Variants in ACBD5 observed in about 807,000 individuals in gnomAD.
ACBD5 encodes acyl-CoA binding domain containing 5.
A neutral mutation model predicts 71.8 loss-of-function variants in ACBD5; 40 were observed. That is an observed-to-expected ratio of 0.56 (90% CI 0.43 to 0.72). ACBD5 has a LOEUF of 0.72. ACBD5 is among the 30% of genes least tolerant of loss of function. The pLI is 0.00. For missense variants in ACBD5, 559 were observed against 644.5 expected (o/e 0.87, Z 1.44); for synonymous variants, 229 against 218.6 (o/e 1.05, Z -0.42).
chr10:27,241,463 G>A (rs1051026915), upstream of ACBD5, among the ~76,000 whole-genome samples: 4 of 152,136 alleles, frequency 2.6e-5, no homozygotes, highest in Non-Finnish European at 5.9e-5. Flanking sequence ...AAGGAGAGAG[G>A]AGGTCGCCGG....
intron 4 of ACBD5, among the ~76,000 whole-genome samples, chr10:27,228,815 ATTTTTTTT>A (rs1167438554): frequency 1.2e-3 from 25 of 20,366 alleles, no homozygotes; most frequent in East Asian, 0.011. Context: ...ATATATATAT[ATTTTTTTT>A]TTTTTTTTTT....
chr10:27,240,558 C>T lies in ACBD5; in HGVS notation c.16-74G>A. The T allele has an allele frequency of 1.3e-6, 2 of 1,550,322 alleles. No individual in the cohort carries two copies. The highest frequency in any genetic ancestry group is 1.7e-6 in the Non-Finnish European group (2 of 1,145,920). On this transcript the variant is annotated intron_variant, in intron 1 of 12. Transcript: ENST00000396271. This position sits in a 1 kb window ranked among gnomAD's most constrained non-coding sequence, Gnocchi z 4.1. ...GCCCGGGAGCGAAGCGGGTCAGTTC[C>T]CCTTTGCCCTGCCCTATCCAGGCCA...
chr10:27,206,577 G>A (rs1048730790), intron 10 of ACBD5, among the ~76,000 whole-genome samples: 15 of 152,022 alleles, frequency 9.9e-5, no homozygotes, highest in Admixed American at 4.6e-4. Flanking sequence ...GGGCAGTGAC[G>A]TGATCTAGGC....
intron 6 of ACBD5, among the ~76,000 whole-genome samples, chr10:27,219,391 TTG>T (rs1258887038): frequency 3.3e-5 from 5 of 152,154 alleles, no homozygotes; most frequent in African/African-American, 1.2e-4. Flanking sequence ...AGAGTCTAAC[TTG>T]TCTCCTATCC....
At chr10:27,185,618 CA>C (rs34847161) in intron 13 of ACBD5, among the ~76,000 whole-genome samples, 10,545 of 98,524 alleles carry the variant, frequency 0.11, 1,431 homozygotes, top group African/African-American at 0.38. Flanking sequence ...AGGTGACAGA[CA>C]AAAAAAAAAA....
chr10:27,226,690 C>T (rs997098972), intron 4 of ACBD5, among the ~76,000 whole-genome samples: 3 of 150,758 alleles, frequency 2.0e-5, no homozygotes, highest in African/African-American at 7.3e-5. Flanking sequence ...CTCACTCTGT[C>T]GCACAGGCTG....
chr10:27,197,685 G>A (rs185562053), intron 12 of ACBD5, among the ~76,000 whole-genome samples: 7 of 152,124 alleles, frequency 4.6e-5, no homozygotes, highest in African/African-American at 1.2e-4. Flanking sequence ...TTGCTCTGTC[G>A]TCCAGGCTGG....
At chr10:27,195,071 C>T, downstream of ACBD5, 1 of 256,754 alleles carries the variant, frequency 3.9e-6, no homozygotes, top group South Asian at 4.1e-5. Context: ...AAATTTCATC[C>T]CAGTTTCTGA....
In ACBD5 at chr10:27,240,206, A is replaced by G; in HGVS notation, c.181+113T>C. 1 of 1,544,554 alleles carries G rather than the reference A, an allele frequency of 6.5e-7. No individual in the cohort carries two copies. Among genetic ancestry groups the G allele is most frequent in the Non-Finnish European group, 8.8e-7 (1 of 1,132,734 alleles). ...TATTCAATAGCTCCCCTTCCACTACATGGCTCCTACACAGAAAAAAAGGCT... is the reference window on the plus strand; with the variant it reads ...TATTCAATAGCTCCCCTTCCACTACGTGGCTCCTACACAGAAAAAAAGGCT... On this transcript the variant is annotated intron_variant, in intron 2 of 12. Coordinates refer to ENST00000396271, the MANE Select transcript of ACBD5 (RefSeq NM_145698.5). This position sits in a 1 kb window ranked among gnomAD's most constrained non-coding sequence, Gnocchi z 4.1.
chr10:27,215,455 A>G (rs1432144271), intron 8 of ACBD5, 80 bp downstream of exon 8: 2 of 891,958 alleles, frequency 2.2e-6, no homozygotes, highest in Non-Finnish European at 3.6e-6. Flanking sequence ...TAGCATGTAT[A>G]TTTGCTACTA....
intron 5 of ACBD5, 64 bp from the exon 6 acceptor site, chr10:27,219,921 G>A (rs1589209526): frequency 6.8e-7 from 1 of 1,475,856 alleles, no homozygotes; most frequent in South Asian, 1.3e-5. Flanking sequence ...TAATTTCCAA[G>A]TAATACTAAT....
At chr10:27,205,158 A>G in intron 11 of ACBD5, 40 bp downstream of exon 11, 1 of 1,584,568 alleles carries the variant, frequency 6.3e-7, no homozygotes, top group Non-Finnish European at 8.6e-7. Flanking sequence ...CAAAAAACAT[A>G]TGAAACCCTG....
intron 4 of ACBD5, among the ~76,000 whole-genome samples, chr10:27,229,927 T>G (rs1209347855): frequency 6.6e-6 from 1 of 152,140 alleles, no homozygotes. Context: ...TTTTAATCTT[T>G]CTTAGGGAAA....
intron 13 of ACBD5, among the ~76,000 whole-genome samples, chr10:27,188,349 A>G (rs1227601035): frequency 2.0e-5 from 3 of 152,340 alleles, no homozygotes; most frequent in African/African-American, 7.2e-5. Flanking sequence ...AGAAAGAAAA[A>G]AAGTTTGGGA....
rs2059470037 is a variant in ACBD5 at position 27,197,457 on chromosome 10, TA to T, written c.1566-16del. 10 of 1,593,674 alleles carry T rather than the reference TA, an allele frequency of 6.3e-6. No homozygotes were observed. In the East Asian group the frequency reaches 2.2e-4, roughly 36 times the overall value. Reference sequence around the variant, plus strand: ...AGTTCAGTTTTCTTTAAAAAGAAAATAAAAACCAATTTCCTGTGAGTATGAA... The same window carrying T: ...AGTTCAGTTTTCTTTAAAAAGAAAATAAAACCAATTTCCTGTGAGTATGAA... On this transcript the variant is annotated splice_polypyrimidine_tract_variant and intron_variant, in intron 12 of 12. Transcript: ENST00000396271.
At chr10:27,197,749 C>T (rs934581625) in intron 12 of ACBD5, among the ~76,000 whole-genome samples, 1 of 152,106 alleles carries the variant, frequency 6.6e-6, no homozygotes, top group African/African-American at 2.4e-5. Flanking sequence ...CGGGTACAAG[C>T]GATTCTCCTG....
At chr10:27,217,442 C>T (rs1203995066) in intron 7 of ACBD5, among the ~76,000 whole-genome samples, 3 of 135,016 alleles carry the variant, frequency 2.2e-5, no homozygotes, top group African/African-American at 5.6e-5. Flanking sequence ...GGTGACAGAG[C>T]GAGACACCAT....
At chr10:27,227,631 CAG>C (rs1197899954) in intron 4 of ACBD5, among the ~76,000 whole-genome samples, 1 of 152,178 alleles carries the variant, frequency 6.6e-6, no homozygotes, top group East Asian at 1.9e-4. Context: ...CCTCAGTACT[CAG>C]AGACAGTTGG....
Position 27,210,888 on chromosome 10 carries a change from T to C in ACBD5, c.1130A>G (p.Asn377Ser), listed in dbSNP as rs2137060162. The C allele has an allele frequency of 2.5e-6, 4 of 1,614,228 alleles. No individual in the cohort carries two copies. In the Admixed American group the frequency reaches 5.0e-5, roughly 20 times the overall value. The stretch of plus-strand genomic sequence containing the variant: ...CTCCCGGTGTGGTGCTCCGCTGTTA[T>C]TCCTGCCATCTTCTCCTCCATGCTT... ...EVKHGGEDGR[N>S]NSGAPHREKR... The change falls in exon 9 of 13, where the codon AAT becomes AGT. Residue 377 changes from asparagine to serine, a missense_variant. By Grantham distance (46) the Asn-to-Ser change is conservative. Coordinates refer to ENST00000396271, the MANE Select transcript of ACBD5 (RefSeq NM_145698.5).
Sources: allele counts gnomAD v4.1 joint callset (sites outside exome capture counted in the v4.1 genomes callset), GRCh38; gene constraint gnomAD v4.1.1; non-coding constraint Gnocchi (gnomAD v3.1); transcripts MANE v1.5; gene names NCBI Gene and HGNC (gene_info 2026-07-23, HGNC 2026-07-21).